SLC8A1: variants seen among roughly 807,000 people sequenced by gnomAD.
The protein encoded by SLC8A1 is sodium/calcium exchanger 1.
In SLC8A1, 18 loss-of-function variants were observed where a neutral mutation model predicts 68.3. The observed-to-expected ratio is 0.26, with a 90% CI of 0.18 to 0.39. The LOEUF is 0.39. Ranked by LOEUF, SLC8A1 falls within the 10% of genes least tolerant of loss-of-function variation. The probability of loss-of-function intolerance (pLI) is 1.00; values close to 1 mark genes in which losing one functional copy is unlikely to be tolerated. For synonymous variants in SLC8A1, 475 were observed against 415.5 expected (o/e 1.14, Z -1.74); for missense variants, 985 against 1,156.7 (o/e 0.85, Z 2.15).
intron 2 of SLC8A1, among the ~76,000 whole-genome samples, chr2:40,342,486 ATAG>A (rs142274258): frequency 0.028 from 4,224 of 152,256 alleles, 76 homozygotes; most frequent in Non-Finnish European, 0.039. Context: ...ATTGAAAAGA[ATAG>A]TAGTAAAAAG....
At chr2:40,348,697 C>T (rs116817949) in intron 2 of SLC8A1, among the ~76,000 whole-genome samples, 1,619 of 152,084 alleles carry the variant, frequency 0.011, 30 homozygotes, top group African/African-American at 0.036. Flanking sequence ...AGTGCTGAAA[C>T]GTGACCAGAA....
At chr2:40,333,338 T>G (rs1219730921) in intron 2 of SLC8A1, among the ~76,000 whole-genome samples, 1 of 148,210 alleles carries the variant, frequency 6.7e-6, no homozygotes, top group African/African-American at 2.5e-5. Context: ...CTCGGGAGGT[T>G]GAGGCAGGAG....
chr2:40,505,864 G>C (rs1255024610), intron 1 of SLC8A1, among the ~76,000 whole-genome samples: 1 of 151,960 alleles, frequency 6.6e-6, no homozygotes, highest in East Asian at 1.9e-4. Flanking sequence ...TAAAACCATA[G>C]GTCCATGTCA....
rs547949789 is a variant in SLC8A1, at chr2:40,280,823, G to C, written c.1809-102968C>G. Among the ~76,000 whole-genome samples, 3 of 152,304 alleles carry C rather than the reference G, an allele frequency of 2.0e-5. No homozygotes were observed. The South Asian group carries it at 6.2e-4, about 32-fold the overall frequency. ...GACCCTGTAACAATAGCCAGGCAAA[G>C]GTGCTCTAGGCAGGAAGAATGTTTT... On this transcript the variant is annotated intron_variant, in intron 2 of 7. Coordinates refer to ENST00000406785, the Ensembl canonical transcript of SLC8A1.
chr2:40,275,560 G>C lies in SLC8A1; in HGVS notation c.1809-97705C>G, dbSNP rs1477483395. Among the ~76,000 whole-genome samples, 4 of 152,234 alleles carry C rather than the reference G, an allele frequency of 2.6e-5. No homozygotes were observed. The South Asian group carries it at 8.3e-4, about 32-fold the overall frequency. ...GTCCGGGAGGAACGCTGGGTTGAAA[G>C]CTGAAAGGGCTGGGTCTGATGATGT... On this transcript the variant is annotated intron_variant, in intron 2 of 7. Transcript: ENST00000406785.
chr2:40,301,161 A>G (rs2071388932), intron 2 of SLC8A1, among the ~76,000 whole-genome samples: 1 of 152,180 alleles, frequency 6.6e-6, no homozygotes, highest in African/African-American at 2.4e-5. Flanking sequence ...AAATAGTGAT[A>G]ATAACCTTCA....
At chr2:40,334,978 C>T (rs919861952) in intron 2 of SLC8A1, among the ~76,000 whole-genome samples, 2 of 152,172 alleles carry the variant, frequency 1.3e-5, no homozygotes, top group African/African-American at 2.4e-5. Flanking sequence ...TAAATTCGGT[C>T]ATCCCTGCTT....
chr2:40,191,093 A>G (rs2051730012), intron 2 of SLC8A1, among the ~76,000 whole-genome samples: 1 of 152,108 alleles, frequency 6.6e-6, no homozygotes, highest in African/African-American at 2.4e-5. Flanking sequence ...ATATGGTGAA[A>G]TACTCCTTGA....
At chr2:40,312,086 A>T (rs2073784656) in intron 2 of SLC8A1, among the ~76,000 whole-genome samples, 2 of 152,062 alleles carry the variant, frequency 1.3e-5, no homozygotes, top group South Asian at 2.1e-4. Context: ...CATGGTTAGG[A>T]TTTACCCTCA....
At chr2:40,284,596 A>C (rs2068013930) in intron 2 of SLC8A1, among the ~76,000 whole-genome samples, 1 of 147,272 alleles carries the variant, frequency 6.8e-6, no homozygotes, top group Non-Finnish European at 1.5e-5. Context: ...ATATTTTGTT[A>C]TTACATTATA....
At chr2:40,289,404 GAA>G (rs2068889812) in intron 2 of SLC8A1, among the ~76,000 whole-genome samples, 1 of 152,040 alleles carries the variant, frequency 6.6e-6, no homozygotes, top group Non-Finnish European at 1.5e-5. Context: ...TGAGAGAAAC[GAA>G]AAGAAACCTT....
At chr2:40,465,475 T>G (rs1366612055) in intron 1 of SLC8A1, among the ~76,000 whole-genome samples, 1 of 152,206 alleles carries the variant, frequency 6.6e-6, no homozygotes, top group Non-Finnish European at 1.5e-5. Context: ...ATGTTGCCTG[T>G]TAGCAAGCAT....
intron 2 of SLC8A1, among the ~76,000 whole-genome samples, chr2:40,355,018 T>C (rs576456027): frequency 6.6e-6 from 1 of 152,310 alleles, no homozygotes; most frequent in African/African-American, 2.4e-5. Flanking sequence ...ATAAGCACTT[T>C]AAAAATTGTT....
chr2:40,213,996 T>A (rs1202972923), intron 2 of SLC8A1, among the ~76,000 whole-genome samples: 2 of 152,146 alleles, frequency 1.3e-5, no homozygotes, highest in African/African-American at 4.8e-5. Flanking sequence ...ATCACAGATA[T>A]TCAGAAATCC....
At chr2:40,422,057 C>T (rs1210968318) in intron 2 of SLC8A1, among the ~76,000 whole-genome samples, 1 of 152,114 alleles carries the variant, frequency 6.6e-6, no homozygotes, top group Non-Finnish European at 1.5e-5. Context: ...TGCCTGCCCA[C>T]TCAGCACCTT....
Position 40,392,065 on chromosome 2 carries a change from G to A in SLC8A1, c.1808+36408C>T, listed in dbSNP as rs1016774180. Reference sequence around the variant, plus strand: ...AACAAACAAACAAAATAAGAAGGAAGGAGAAGGAAGGAAGGAGAAAAATAA... The same window carrying A: ...AACAAACAAACAAAATAAGAAGGAAAGAGAAGGAAGGAAGGAGAAAAATAA... On this transcript the variant is annotated intron_variant, in intron 2 of 7. Coordinates refer to ENST00000406785, the Ensembl canonical transcript of SLC8A1. 7.4e-4 allele frequency among the ~76,000 whole-genome samples: 47 copies of A among 63,510 alleles called. No individual in the cohort carries two copies. The African/African-American group carries it at 7.6e-3, about 10-fold the overall frequency. 41.7% of individuals were successfully genotyped at this position (63,510 alleles called of 152,430 possible).
At chr2:40,205,863 T>TTCTA (rs1419165134) in intron 2 of SLC8A1, among the ~76,000 whole-genome samples, 1 of 149,484 alleles carries the variant, frequency 6.7e-6, no homozygotes, top group Non-Finnish European at 1.5e-5. Flanking sequence ...TTAGGCAACA[T>TTCTA]TCTATTTCAG....
At chr2:40,384,960 G>T (rs1224190727) in intron 2 of SLC8A1, among the ~76,000 whole-genome samples, 1 of 151,946 alleles carries the variant, frequency 6.6e-6, no homozygotes, top group East Asian at 1.9e-4. Flanking sequence ...CTTTCCTAAT[G>T]CCTGCCACCA....
chr2:40,210,953 C>G (rs973314609), intron 2 of SLC8A1, among the ~76,000 whole-genome samples: 1 of 152,236 alleles, frequency 6.6e-6, no homozygotes, highest in Non-Finnish European at 1.5e-5. Context: ...GGATAACTTA[C>G]ACAGGACATA....
Sources: allele counts gnomAD v4.1 joint callset (sites outside exome capture counted in the v4.1 genomes callset), GRCh38; gene constraint gnomAD v4.1.1; transcripts MANE v1.5; gene names NCBI Gene and HGNC (gene_info 2026-07-23, HGNC 2026-07-21).